CFAP299: variants seen among roughly 807,000 people sequenced by gnomAD.
CFAP299 encodes cilia- and flagella-associated protein 299.
CFAP299 carries 21 observed loss-of-function variants against 27.0 expected under a neutral mutation model. The observed-to-expected ratio is 0.78, with a 90% CI of 0.55 to 1.12. The LOEUF (loss-of-function observed/expected upper bound fraction) is 1.12. CFAP299 is among the 50% of genes most tolerant of loss of function. The pLI, the probability that CFAP299 is intolerant of heterozygous loss-of-function variation, is 0.00. For missense variants in CFAP299, 310 were observed against 276.6 expected, an observed-to-expected ratio of 1.12 and a Z score of -0.86; for synonymous variants, 104 against 98.1, an observed-to-expected ratio of 1.06 and a Z score of -0.36.
chr4:80,481,512 G>A (rs1730568307), intron 2 of CFAP299, among the ~76,000 whole-genome samples: 1 of 151,958 alleles, frequency 6.6e-6, no homozygotes, highest in African/African-American at 2.4e-5. Flanking sequence ...AATCACATAT[G>A]AACTAATTTT....
intron 5 of CFAP299, among the ~76,000 whole-genome samples, chr4:80,959,394 T>C (rs1342524264): frequency 6.6e-6 from 1 of 152,092 alleles, no homozygotes. Flanking sequence ...CTAATGTCAT[T>C]AGGCAAAACA....
chr4:80,512,001 A>C (rs1030072397), intron 2 of CFAP299, among the ~76,000 whole-genome samples: 1 of 152,166 alleles, frequency 6.6e-6, no homozygotes, highest in Non-Finnish European at 1.5e-5. Context: ...AACTTTTATA[A>C]GTTTTTTTAA....
At chr4:80,511,686 T>A (rs140046834) in intron 2 of CFAP299, among the ~76,000 whole-genome samples, 1,801 of 152,250 alleles carry the variant, frequency 0.012, 36 homozygotes, top group African/African-American at 0.039. Flanking sequence ...AAGGCCAGAA[T>A]CTTCAAACAA....
intron 3 of CFAP299, among the ~76,000 whole-genome samples, chr4:80,806,344 C>T (rs1303544486): frequency 6.6e-6 from 1 of 152,132 alleles, no homozygotes; most frequent in East Asian, 1.9e-4. Context: ...TAATGAAAAC[C>T]TGCTGTCTGA....
intron 3 of CFAP299, among the ~76,000 whole-genome samples, chr4:80,675,342 A>G (rs970845499): frequency 6.6e-6 from 1 of 152,208 alleles, no homozygotes; most frequent in Non-Finnish European, 1.5e-5. Context: ...TTACCTGGGT[A>G]TCACCAGTGG....
At position 80,387,028 on chromosome 4, in the gene CFAP299, G is replaced by T. The variant is rs568981940; in HGVS notation, c.242+24144G>T. On this transcript the variant is annotated intron_variant, in intron 2 of 5. Coordinates refer to ENST00000358105, the MANE Select transcript of CFAP299 (RefSeq NM_152770.3). ...GTTGGCAGATGACGCTGCAGGTAGC[G>T]TTCACAAGGAAACACCTTCTAGCAG... The T allele has an allele frequency of 3.3e-5, 43 of 1,302,842 alleles. No individual in the cohort carries two copies. In the South Asian group the frequency reaches 4.7e-4, roughly 14 times the overall value. The allele number at this position is 1,302,842 out of a possible 1,614,324, so 80.7% of individuals were successfully genotyped here.
At chr4:80,905,086 A>C (rs1436605663) in intron 4 of CFAP299, among the ~76,000 whole-genome samples, 1 of 152,246 alleles carries the variant, frequency 6.6e-6, no homozygotes, top group African/African-American at 2.4e-5. Flanking sequence ...TCAAATTCTT[A>C]TAAGTTAAAA....
rs79479053 is a variant in CFAP299, at chr4:80,837,111, C to G, written c.334-32882C>G. On this transcript the variant is annotated intron_variant, in intron 3 of 5. Transcript: ENST00000358105. ...TCTTTTGAAGCAAATGATAAAATTG[C>G]CTTTATTTTTATAAATTAGAAAACT... is the stretch of plus-strand genomic sequence containing the variant. Among the ~76,000 whole-genome samples, 237 of 151,780 alleles carry G rather than the reference C, an allele frequency of 1.6e-3. 5 individuals are homozygous for G. In the East Asian group the frequency reaches 0.042, roughly 27 times the overall value.
intron 2 of CFAP299, among the ~76,000 whole-genome samples, chr4:80,472,628 C>G (rs925319483): frequency 6.6e-6 from 1 of 152,166 alleles, no homozygotes; most frequent in African/African-American, 2.4e-5. Flanking sequence ...AGGGAACTTA[C>G]ACGTAGGACA....
intron 5 of CFAP299, among the ~76,000 whole-genome samples, chr4:80,952,974 G>A (rs1427405642): frequency 6.6e-6 from 1 of 152,068 alleles, no homozygotes; most frequent in Non-Finnish European, 1.5e-5. Flanking sequence ...CGTCCTATAT[G>A]CAGATGGTTC....
chr4:80,907,955 G>A (rs2110201029), intron 4 of CFAP299, among the ~76,000 whole-genome samples: 1 of 152,270 alleles, frequency 6.6e-6, no homozygotes, highest in South Asian at 2.1e-4. Context: ...TTCTTTGGAT[G>A]GAAGAACAGT....
intron 2 of CFAP299, among the ~76,000 whole-genome samples, chr4:80,390,726 T>C (rs1197757231): frequency 7.1e-6 from 1 of 140,206 alleles, no homozygotes; most frequent in African/African-American, 2.7e-5. Context: ...CACACATACA[T>C]GTATATATGT....
intron 3 of CFAP299, among the ~76,000 whole-genome samples, chr4:80,864,519 C>CGTATAT (rs1491219637): frequency 2.1e-5 from 3 of 144,376 alleles, no homozygotes; most frequent in African/African-American, 7.6e-5. Flanking sequence ...CCTATATATA[C>CGTATAT]GTATATATAC....
chr4:80,849,329 C>T (rs189133129), intron 3 of CFAP299, among the ~76,000 whole-genome samples: 3 of 152,038 alleles, frequency 2.0e-5, no homozygotes, highest in Admixed American at 6.6e-5. Context: ...GCATGAGGTT[C>T]GTTGTTAACC....
At chr4:80,544,557 G>T (rs1361596857) in intron 2 of CFAP299, among the ~76,000 whole-genome samples, 1 of 152,170 alleles carries the variant, frequency 6.6e-6, no homozygotes, top group East Asian at 1.9e-4. Context: ...AAAAAGAACA[G>T]AGATTGCTAT....
At chr4:80,365,740 C>G (rs1234170706) in intron 2 of CFAP299, among the ~76,000 whole-genome samples, 1 of 152,134 alleles carries the variant, frequency 6.6e-6, no homozygotes, top group Non-Finnish European at 1.5e-5. Context: ...TGAGATTTTA[C>G]AAGGAATTCC....
intron 3 of CFAP299, among the ~76,000 whole-genome samples, chr4:80,653,885 T>G (rs1397205717): frequency 6.6e-6 from 1 of 152,138 alleles, no homozygotes; most frequent in Admixed American, 6.6e-5. Context: ...CATATGAGTG[T>G]TTTATACAAT....
At chr4:80,724,846 A>T (rs1440125654) in intron 3 of CFAP299, among the ~76,000 whole-genome samples, 56 of 123,222 alleles carry the variant, frequency 4.5e-4, no homozygotes, top group Middle Eastern at 4.7e-3. Context: ...TATTTCCTTC[A>T]TTCCTTCCTT....
At chr4:80,681,360 T>C (rs950844516) in intron 3 of CFAP299, among the ~76,000 whole-genome samples, 1 of 151,908 alleles carries the variant, frequency 6.6e-6, no homozygotes, top group Non-Finnish European at 1.5e-5. Context: ...AGACAAGCTG[T>C]ACCCAGGTGT....
Sources: gnomAD v4.1 joint callset for allele counts (sites outside exome capture counted in the v4.1 genomes callset) on GRCh38, gnomAD v4.1.1 for gene constraint, MANE v1.5 for transcripts, NCBI Gene and HGNC (gene_info 2026-07-23, HGNC 2026-07-21) for gene names.